Variants in GABRB3 observed in about 807,000 individuals in gnomAD.
The protein encoded by GABRB3 is gamma-aminobutyric acid type A receptor subunit beta3.
GABRB3 carries 14 observed loss-of-function variants against 52.1 expected under a neutral mutation model. The observed-to-expected ratio is 0.27, with a 90% CI of 0.18 to 0.42. The LOEUF (loss-of-function observed/expected upper bound fraction) is 0.42, where lower values mean the gene tolerates loss of function less well. Among genes scored for constraint, GABRB3 ranks in the 10% least tolerant of loss-of-function variants. GABRB3 has a pLI of 1.00. For missense variants in GABRB3, 307 were observed against 609.1 expected (o/e 0.50, Z 5.22); for synonymous variants, 260 against 232.3 (o/e 1.12, Z -1.08).
chr15:26,633,589 T>C (rs987456246), intron 3 of GABRB3, among the ~76,000 whole-genome samples: 11 of 152,260 alleles, frequency 7.2e-5, no homozygotes, highest in African/African-American at 2.6e-4. Context: ...AGGACTTAAC[T>C]TGTGCAAGCT....
In GABRB3 at chr15:26,661,289, T is replaced by C. The variant is rs191114684; in HGVS notation, c.241-39755A>G. 2.0e-3 allele frequency among the ~76,000 whole-genome samples: 305 copies of C among 152,172 alleles called. 1 individual carries two copies. Among genetic ancestry groups the C allele is most frequent in the Admixed American group, 3.8e-3 (58 of 15,274 alleles). On this transcript the variant is annotated intron_variant, in intron 3 of 8. Transcript: ENST00000311550. ...CCACATACATGCACATGCCTACACA[T>C]GCACATACACACATGCATACAAACC...
chr15:26,624,297 CAG>C (rs1226131138), intron 3 of GABRB3: 9 of 985,550 alleles, frequency 9.1e-6, no homozygotes, highest in Middle Eastern at 5.2e-4. Flanking sequence ...GTGGCGACCA[CAG>C]AGTTTCTCTA....
intron 3 of GABRB3, chr15:26,629,150 G>C: frequency 6.6e-7 from 1 of 1,512,336 alleles, no homozygotes; most frequent in Non-Finnish European, 8.8e-7. Flanking sequence ...GAGGCGCAGG[G>C]GCGGAGTGTG....
intron 3 of GABRB3, among the ~76,000 whole-genome samples, chr15:26,739,189 G>A (rs1210263360): frequency 1.3e-5 from 2 of 151,986 alleles, no homozygotes; most frequent in Non-Finnish European, 1.5e-5. Context: ...GCCCAGCCCA[G>A]CCCTGTCTGC....
At chr15:26,757,252 C>T (rs139472372) in intron 3 of GABRB3, among the ~76,000 whole-genome samples, 10 of 152,252 alleles carry the variant, frequency 6.6e-5, no homozygotes, top group Non-Finnish European at 1.3e-4. Context: ...GTCAGCTCCC[C>T]AGGCCAAGTG....
intron 3 of GABRB3, among the ~76,000 whole-genome samples, chr15:26,645,771 C>T (rs1336807416): frequency 1.3e-5 from 2 of 152,112 alleles, no homozygotes; most frequent in Admixed American, 1.3e-4. Context: ...CCACAGCAAG[C>T]AAGCATGCAG....
intron 5 of GABRB3, chr15:26,580,667 A>C: frequency 1.5e-6 from 1 of 679,070 alleles, no homozygotes; most frequent in Non-Finnish European, 2.6e-6. Context: ...GTTGGTACTG[A>C]AAAGTCGAGA....
intron 3 of GABRB3, among the ~76,000 whole-genome samples, chr15:26,623,229 G>A (rs946825991): frequency 3.3e-5 from 5 of 152,140 alleles, no homozygotes; most frequent in African/African-American, 9.7e-5. Context: ...TGGGTTTATG[G>A]GTAAAAGAGA....
intron 3 of GABRB3, among the ~76,000 whole-genome samples, chr15:26,760,820 C>T (rs950184296): frequency 3.3e-5 from 5 of 151,704 alleles, no homozygotes; most frequent in Non-Finnish European, 7.4e-5. Context: ...CACACACACA[C>T]ACACACAAGC....
At chr15:26,711,706 G>A (rs1889302093) in intron 3 of GABRB3, among the ~76,000 whole-genome samples, 1 of 152,184 alleles carries the variant, frequency 6.6e-6, no homozygotes, top group Non-Finnish European at 1.5e-5. Context: ...GAATGGCTCT[G>A]GTTGCCGCTA....
chr15:26,644,518 A>T (rs761724849), intron 3 of GABRB3, among the ~76,000 whole-genome samples: 3 of 152,176 alleles, frequency 2.0e-5, no homozygotes, highest in Non-Finnish European at 4.4e-5. Context: ...CACCACCACA[A>T]GGAGGGGACA....
chr15:26,605,489 C>G (rs1236599487), intron 4 of GABRB3, among the ~76,000 whole-genome samples: 4 of 152,174 alleles, frequency 2.6e-5, no homozygotes, highest in Non-Finnish European at 5.9e-5. Flanking sequence ...CAGTTCACAA[C>G]AGCCAAGATT....
intron 3 of GABRB3, among the ~76,000 whole-genome samples, chr15:26,713,604 C>T (rs975735543): frequency 6.6e-6 from 1 of 152,100 alleles, no homozygotes; most frequent in African/African-American, 2.4e-5. Context: ...CCAAGAGGGG[C>T]CAACAGGGTG....
intron 3 of GABRB3, among the ~76,000 whole-genome samples, chr15:26,752,375 T>A (rs1225012528): frequency 6.6e-6 from 1 of 151,928 alleles, no homozygotes; most frequent in Non-Finnish European, 1.5e-5. Flanking sequence ...GAGATTCTCC[T>A]GCCTCAGCCT....
In GABRB3 at chr15:26,588,437, G is replaced by A. The variant is rs543958989; in HGVS notation, c.462-5023C>T. On this transcript the variant is annotated intron_variant, in intron 4 of 8. Transcript: ENST00000311550. Reference sequence around the variant, plus strand: ...ATTATTATATCCATTGTGCAGATGAGTGAACCAAGGTTTGGAAAGAGTAAG... The same window carrying A: ...ATTATTATATCCATTGTGCAGATGAATGAACCAAGGTTTGGAAAGAGTAAG... Among the ~76,000 whole-genome samples, 6 of 152,302 alleles carry A rather than the reference G, an allele frequency of 3.9e-5. No homozygotes were observed. The South Asian group carries it at 1.2e-3, about 32-fold the overall frequency.
intron 3 of GABRB3, among the ~76,000 whole-genome samples, chr15:26,715,879 T>A (rs554441485): frequency 6.6e-5 from 10 of 152,216 alleles, no homozygotes; most frequent in Non-Finnish European, 1.5e-4. Context: ...GTATAGAATG[T>A]GACCTCAACA....
intron 3 of GABRB3, among the ~76,000 whole-genome samples, chr15:26,735,839 C>T (rs1248384572): frequency 6.6e-6 from 1 of 151,652 alleles, no homozygotes; most frequent in East Asian, 1.9e-4. Flanking sequence ...ACTGTGGTCC[C>T]AGCTACTTCA....
intron 3 of GABRB3, among the ~76,000 whole-genome samples, chr15:26,642,119 C>T (rs28616102): frequency 2.0e-3 from 306 of 152,214 alleles, no homozygotes; most frequent in African/African-American, 5.4e-3. Flanking sequence ...TCTTGAACTC[C>T]CAGCCGCAAG....
At chr15:26,654,321 A>G (rs902599034) in intron 3 of GABRB3, among the ~76,000 whole-genome samples, 1 of 151,900 alleles carries the variant, frequency 6.6e-6, no homozygotes, top group Non-Finnish European at 1.5e-5. Flanking sequence ...AATTTTTTGT[A>G]TTTTTTAGTA....
Sources: allele counts gnomAD v4.1 joint callset (sites outside exome capture counted in the v4.1 genomes callset), GRCh38; gene constraint gnomAD v4.1.1; transcripts MANE v1.5; gene names NCBI Gene and HGNC (gene_info 2026-07-23, HGNC 2026-07-21).